The following KSR2 variants were observed in gnomAD, a reference collection of about 807,000 sequenced individuals.
KSR2 encodes the protein kinase suppressor of ras 2.
In KSR2, 25 loss-of-function variants were observed where a neutral mutation model predicts 107.8. That is an observed-to-expected ratio of 0.23 (90% CI 0.17 to 0.32). KSR2 has a LOEUF of 0.32. KSR2 is among the 10% of genes least tolerant of loss of function. KSR2 has a pLI of 1.00. For missense variants in KSR2, 887 were observed against 1,268.9 expected, an observed-to-expected ratio of 0.70 and a Z score of 4.57; for synonymous variants, 480 against 507.0, an observed-to-expected ratio of 0.95 and a Z score of 0.71.
intron 3 of KSR2, among the ~76,000 whole-genome samples, chr12:117,818,219 C>G (rs957143768): frequency 5.3e-5 from 8 of 152,168 alleles, no homozygotes; most frequent in African/African-American, 1.4e-4. Flanking sequence ...GGGCCAAATC[C>G]TAATGTCACC....
Position 117,968,957 on chromosome 12 carries a change from G to GCGA in KSR2, c.-703_-702insTCG. The GCGA allele has an allele frequency of 5.2e-6, 1 of 192,216 alleles. No individual in the cohort carries two copies. The highest frequency in any genetic ancestry group is 1.1e-5 in the Non-Finnish European group (1 of 91,922). The allele number at this position is 192,216 out of a possible 1,614,324, so 11.9% of individuals were successfully genotyped here. On this transcript the variant is annotated 5_prime_UTR_variant, in exon 1 of 20. Transcript: ENST00000339824. ...GGTGACGGTTGCTGCAATCGCTCCTGCCTCGCTCCACACCGACATCTTGCC... is the reference window on the plus strand; with the variant it reads ...GGTGACGGTTGCTGCAATCGCTCCTGCGACCTCGCTCCACACCGACATCTTGCC...
chr12:117,469,855 G>C, intron 18 of KSR2, 60 bp from the exon 19 acceptor site: 1 of 1,578,550 alleles, frequency 6.3e-7, no homozygotes, highest in East Asian at 2.3e-5. Flanking sequence ...TTACTCTTTG[G>C]CATCACATTT....
chr12:117,838,253 T>C (rs1034782302), intron 3 of KSR2, among the ~76,000 whole-genome samples: 1 of 152,224 alleles, frequency 6.6e-6, no homozygotes, highest in Non-Finnish European at 1.5e-5. Flanking sequence ...CTGTAACCTC[T>C]GCCTCCCAGA....
Position 117,772,363 on chromosome 12 carries a change from ACACT to A in KSR2, c.473-10843_473-10840del, listed in dbSNP as rs535386946. Among the ~76,000 whole-genome samples the A allele has an allele frequency of 3.7e-3, 526 of 141,612 alleles. 10 individuals carry two copies. The highest frequency in any genetic ancestry group is 0.013 in the African/African-American group (487 of 36,526). The allele number at this position is 141,612 out of a possible 152,430, so 92.9% of individuals were successfully genotyped here. A position where few individuals can be genotyped will look rare whatever the true frequency, so the allele number is the denominator to read the frequency against. ...ACACCATTCCCCCAAAGACGCACAC[ACACT>A]CACACATACACACCATTCCACCAAA... is the stretch of plus-strand genomic sequence containing the variant. On this transcript the variant is annotated intron_variant, in intron 3 of 19. Transcript: ENST00000339824.
At chr12:117,526,900 T>C (rs1220827893) in intron 13 of KSR2, among the ~76,000 whole-genome samples, 171 bp downstream of exon 13, 2 of 152,176 alleles carry the variant, frequency 1.3e-5, no homozygotes, top group Admixed American at 6.5e-5. Flanking sequence ...GACTCAGTGC[T>C]GGGAGGGACC....
intron 3 of KSR2, among the ~76,000 whole-genome samples, chr12:117,775,754 A>G (rs999316598): frequency 2.6e-5 from 4 of 152,148 alleles, no homozygotes; most frequent in Non-Finnish European, 5.9e-5. Context: ...ACTCAGCCAT[A>G]AAAAGGAATG....
intron 10 of KSR2, among the ~76,000 whole-genome samples, chr12:117,532,004 A>T (rs1875670382): frequency 6.6e-6 from 1 of 152,214 alleles, no homozygotes; most frequent in Non-Finnish European, 1.5e-5. Context: ...AATTACACAC[A>T]CACACACAGA....
At position 117,716,176 on chromosome 12, in the gene KSR2, C is replaced by T. The variant is rs554579911; in HGVS notation, c.986+44835G>A. On this transcript the variant is annotated intron_variant, in intron 4 of 19. Transcript: ENST00000339824. ...GTCACCCTCTTCCATTAGCATATGC[C>T]TTCCATGAAGGCAGAAATCAAATCT... Among the ~76,000 whole-genome samples, 19 of 152,324 alleles carry T rather than the reference C, an allele frequency of 1.2e-4. No individual in the cohort carries two copies. The East Asian group carries it at 2.1e-3, about 17-fold the overall frequency.
intron 5 of KSR2, among the ~76,000 whole-genome samples, chr12:117,591,429 C>T (rs373093920): frequency 1.1e-3 from 160 of 152,126 alleles, no homozygotes; most frequent in African/African-American, 3.6e-3. Context: ...TAGCTGAGAC[C>T]TGGGGGAGTC....
intron 4 of KSR2, chr12:117,677,336 A>G (rs1397080540): frequency 6.6e-6 from 1 of 152,086 alleles, no homozygotes; most frequent in African/African-American, 2.4e-5. Context: ...CATAAGGGAG[A>G]GCCCCAATCC....
chr12:117,758,247 A>T (rs1380317319), intron 4 of KSR2, among the ~76,000 whole-genome samples: 3 of 152,132 alleles, frequency 2.0e-5, no homozygotes, highest in Non-Finnish European at 2.9e-5. Flanking sequence ...AATAATTGGG[A>T]CTCACCTCAA....
At position 117,613,627 on chromosome 12, in the gene KSR2, C is replaced by T. The variant is rs372927545; in HGVS notation, c.1172-31268G>A. On this transcript the variant is annotated intron_variant, in intron 5 of 19. Transcript: ENST00000339824. ...AGAGTTAATGCCCTGTGGGGTGAAC[C>T]TTGGTCACTGGAAGACAGGATGTAA... Among the ~76,000 whole-genome samples, 11 of 152,322 alleles carry T rather than the reference C, an allele frequency of 7.2e-5. No homozygotes were observed. In the South Asian group the frequency reaches 2.3e-3, roughly 32 times the overall value.
chr12:117,672,001 T>G (rs756160474), intron 4 of KSR2, among the ~76,000 whole-genome samples: 2 of 152,228 alleles, frequency 1.3e-5, no homozygotes, highest in Non-Finnish European at 2.9e-5. Flanking sequence ...AGTCTAAGCA[T>G]GCCTGCAAAG....
chr12:117,476,029 G>T (rs1871754315), intron 17 of KSR2, among the ~76,000 whole-genome samples: 1 of 152,192 alleles, frequency 6.6e-6, no homozygotes, highest in Admixed American at 6.5e-5. Flanking sequence ...CCTCATAAAA[G>T]CCCACTCAGA....
At chr12:117,780,062 T>C (rs531273103) in intron 3 of KSR2, among the ~76,000 whole-genome samples, 1 of 152,162 alleles carries the variant, frequency 6.6e-6, no homozygotes, top group Non-Finnish European at 1.5e-5. Flanking sequence ...AAAAAAGTAA[T>C]ACAGCTCATT....
intron 17 of KSR2, among the ~76,000 whole-genome samples, chr12:117,472,170 T>C (rs1341716218): frequency 6.6e-6 from 1 of 152,190 alleles, no homozygotes; most frequent in South Asian, 2.1e-4. Flanking sequence ...AATGACAACA[T>C]TGCAGTGGAA....
At chr12:117,807,639 T>C (rs1891054938) in intron 3 of KSR2, among the ~76,000 whole-genome samples, 1 of 152,318 alleles carries the variant, frequency 6.6e-6, no homozygotes, top group African/African-American at 2.4e-5. Flanking sequence ...CACTGACCTA[T>C]AAATGCATCA....
At chr12:117,535,809 T>C (rs925112384) in intron 10 of KSR2, among the ~76,000 whole-genome samples, 1 of 152,168 alleles carries the variant, frequency 6.6e-6, no homozygotes, top group African/African-American at 2.4e-5. Context: ...TGCTCATCAG[T>C]AGCAGTGAAC....
intron 9 of KSR2, among the ~76,000 whole-genome samples, chr12:117,541,907 A>G (rs1876519873): frequency 6.6e-6 from 1 of 151,254 alleles, no homozygotes; most frequent in Non-Finnish European, 1.5e-5. Flanking sequence ...GTTTTTTGAG[A>G]TGAGATCTCA....
Sources: allele counts gnomAD v4.1 joint callset (sites outside exome capture counted in the v4.1 genomes callset), GRCh38; gene constraint gnomAD v4.1.1; transcripts MANE v1.5; gene names NCBI Gene and HGNC (gene_info 2026-07-23, HGNC 2026-07-21).